Variants in PDXDC1 observed in about 807,000 individuals in gnomAD.
The protein encoded by PDXDC1 is pyridoxal dependent decarboxylase domain containing 1.
Under a neutral mutation model 100.1 loss-of-function variants are expected in PDXDC1, and 42 were observed. That is an observed-to-expected ratio of 0.42 (90% CI 0.33 to 0.54). The LOEUF (loss-of-function observed/expected upper bound fraction) is 0.54, where lower values mean the gene tolerates loss of function less well. Among genes scored for constraint, PDXDC1 ranks in the 20% least tolerant of loss-of-function variants. The pLI is 0.10. For missense variants in PDXDC1, 636 were observed against 979.2 expected (o/e 0.65, Z 4.68); for synonymous variants, 260 against 371.7 (o/e 0.70, Z 3.46).
At chr16:15,109,718 G>A (rs1238514392) in intron 16 of PDXDC1, among the ~76,000 whole-genome samples, 7 of 127,160 alleles carry the variant, frequency 5.5e-5, no homozygotes, top group South Asian at 2.7e-4. Flanking sequence ...CGAATGTGGC[G>A]GCACACACCT....
At chr16:15,051,859 A>G (rs1273538721) in intron 16 of PDXDC1, among the ~76,000 whole-genome samples, 1 of 152,130 alleles carries the variant, frequency 6.6e-6, no homozygotes, top group Non-Finnish European at 1.5e-5. Context: ...GCACGCCACC[A>G]CACTTGGCTA....
At chr16:15,143,255 G>A (rs1295942112), downstream of PDXDC1, among the ~76,000 whole-genome samples, 2 of 152,116 alleles carry the variant, frequency 1.3e-5, no homozygotes, top group Non-Finnish European at 2.9e-5. Context: ...TCCCAGGTGT[G>A]TGGCCACAGT....
At chr16:15,130,445 G>C (rs758881929) in intron 16 of PDXDC1, 11 of 1,477,350 alleles carry the variant, frequency 7.4e-6, no homozygotes, top group Middle Eastern at 4.7e-4. Context: ...TCCCCACTGG[G>C]TCTCTGGTCC....
At chr16:14,992,885 A>G (rs1971153914) in intron 1 of PDXDC1, among the ~76,000 whole-genome samples, 2 of 149,726 alleles carry the variant, frequency 1.3e-5, no homozygotes, top group South Asian at 4.2e-4. Context: ...ACAGGGTTTT[A>G]CTCTGTTCCA....
intron 1 of PDXDC1, among the ~76,000 whole-genome samples, chr16:14,984,336 T>TTA (rs1334239426): frequency 2.7e-4 from 36 of 131,310 alleles, no homozygotes; most frequent in Non-Finnish European, 5.1e-4. Flanking sequence ...TTTTTTTTTT[T>TTA]AACTTAGATT....
At chr16:15,029,726 G>C in intron 15 of PDXDC1, 1 of 575,774 alleles carries the variant, frequency 1.7e-6, no homozygotes, top group South Asian at 2.4e-5. Context: ...TCTTCTTTTT[G>C]TTTACTTGTA....
At chr16:15,038,790 G>A (rs185777368), downstream of PDXDC1, 2,631 of 642,380 alleles carry the variant, frequency 4.1e-3, 15 homozygotes, top group Non-Finnish European at 4.4e-3. Flanking sequence ...GCATTTATCT[G>A]CCTAAGCTTC....
At chr16:15,091,213 G>A (rs1275984000) in intron 16 of PDXDC1, 2 of 1,444,158 alleles carry the variant, frequency 1.4e-6, no homozygotes, top group Non-Finnish European at 1.9e-6. Flanking sequence ...GGAGGACCAT[G>A]GAGAGAGCAA....
At chr16:14,976,018 T>TG (rs746469787) in intron 1 of PDXDC1, among the ~76,000 whole-genome samples, 31 of 152,302 alleles carry the variant, frequency 2.0e-4, no homozygotes, top group Non-Finnish European at 1.5e-5. Flanking sequence ...AGCCTACCTC[T>TG]GGTTTCCCCT....
At position 15,068,216 on chromosome 16, in the gene PDXDC1, C is replaced by A. The variant is rs772317742; in HGVS notation, c.1399+38160C>A. ...TAACCACTGAGGGCAGGCAAATCTT[C>A]AGGGGATTTAGCTGGCTCATCACTA... On this transcript the variant is annotated intron_variant, in intron 16 of 16. Transcript: ENST00000535621. The A allele has an allele frequency of 1.9e-6, 3 of 1,596,566 alleles. No homozygotes were observed. In the South Asian group the frequency reaches 3.4e-5, roughly 18 times the overall value.
intron 16 of PDXDC1, chr16:15,130,577 G>T: frequency 1.5e-6 from 2 of 1,368,804 alleles, no homozygotes; most frequent in Non-Finnish European, 2.1e-6. Flanking sequence ...CTGTAACCCG[G>T]GCAATGCTGA....
In PDXDC1 at chr16:15,036,058, T is replaced by G; in HGVS notation, c.2150T>G (p.Leu717Trp). 1 of 1,614,148 alleles carries G rather than the reference T, an allele frequency of 6.2e-7. No individual in the cohort carries two copies. Among genetic ancestry groups the G allele is most frequent in the Non-Finnish European group, 8.5e-7 (1 of 1,180,016 alleles). Residue 717 changes from leucine (L) to tryptophan (W), a missense_variant, in exon 23 of 23, where the codon TTG becomes TGG. By Grantham distance (61) the Leu-to-Trp change is moderately conservative. Around this residue, in one of 4 missense-constraint regions of PDXDC1, gnomAD observed 452 missense variants for 402.9 expected, o/e 1.12. Transcript: ENST00000396410. Reference sequence around the variant, plus strand: ...AGGTCCCTGCGAGGTTCAGATGCTTTGAGTGAGACCAGCTCAGTCAGTCAC... The same window carrying G: ...AGGTCCCTGCGAGGTTCAGATGCTTGGAGTGAGACCAGCTCAGTCAGTCAC... The part of the protein sequence containing the change: ...FKRSLRGSDA[L>W]SETSSVSHIE...
chr16:15,132,912 C>G (rs1279907723), intron 16 of PDXDC1: 15 of 1,588,086 alleles, frequency 9.4e-6, no homozygotes, highest in Non-Finnish European at 1.3e-5. Context: ...GTCAGCAGGG[C>G]AGGAGACCGG....
the PDXDC1 span, among the ~76,000 whole-genome samples, chr16:15,147,375 G>T: frequency 6.6e-6 from 1 of 152,208 alleles, no homozygotes; most frequent in Non-Finnish European, 1.5e-5. Context: ...TCATCACCAC[G>T]GCTTCTCAGA....
chr16:15,066,559 G>A (rs376813755), intron 16 of PDXDC1, among the ~76,000 whole-genome samples: 4 of 151,808 alleles, frequency 2.6e-5, no homozygotes, highest in Non-Finnish European at 5.9e-5. Context: ...CATGAGCCTC[G>A]GAGGTGGTGG....
intron 16 of PDXDC1, chr16:15,094,317 T>G (rs1195722384): frequency 4.0e-6 from 5 of 1,262,820 alleles, no homozygotes; most frequent in African/African-American, 3.0e-5. Flanking sequence ...AAGTTGCGCG[T>G]GCCAGCGCAA....
chr16:15,018,040 G>A (rs1374788322), intron 11 of PDXDC1, among the ~76,000 whole-genome samples: 19 of 151,952 alleles, frequency 1.3e-4, no homozygotes, highest in Admixed American at 2.6e-4. Flanking sequence ...TGCCTGCCTC[G>A]GCCTCCCAAA....
chr16:15,000,768 G>A (rs1329510535), intron 3 of PDXDC1, among the ~76,000 whole-genome samples: 1 of 152,006 alleles, frequency 6.6e-6, no homozygotes, highest in East Asian at 1.9e-4. Context: ...AATAAATGAA[G>A]CTTGCATTGT....
intron 1 of PDXDC1, among the ~76,000 whole-genome samples, chr16:14,978,456 CT>C (rs1298774926): frequency 2.0e-5 from 3 of 150,776 alleles, no homozygotes; most frequent in African/African-American, 7.5e-5. Context: ...GTGGTACAAT[CT>C]CGGCTCACTG....
Sources: allele counts gnomAD v4.1 joint callset (sites outside exome capture counted in the v4.1 genomes callset), GRCh38; gene constraint gnomAD v4.1.1; regional missense constraint gnomAD v4.1.1; transcripts MANE v1.5; gene names NCBI Gene and HGNC (gene_info 2026-07-23, HGNC 2026-07-21).